Variants in NSUN7 observed in about 807,000 individuals in gnomAD.
NSUN7 encodes the protein NOP2/Sun RNA methyltransferase family member 7, also known as protein NSUN7.
NSUN7 carries 39 observed loss-of-function variants against 58.5 expected under a neutral mutation model. The observed-to-expected ratio is 0.67, with a 90% confidence interval of 0.52 to 0.87. The LOEUF is 0.87. NSUN7 is among the 40% of genes least tolerant of loss of function. The pLI is 0.00. For missense variants in NSUN7, 765 were observed against 844.1 expected (o/e 0.91, Z 1.16); for synonymous variants, 278 against 303.7 (o/e 0.92, Z 0.88).
Position 40,760,499 on chromosome 4 carries a change from A to G in NSUN7, c.357+7A>G, listed in dbSNP as rs777995559. The G allele has an allele frequency of 1.4e-5, 22 of 1,573,912 alleles. 1 individual carries two copies. The South Asian group carries it at 2.4e-4, about 17-fold the overall frequency. ...CTTCCCAAGTACCACAATAGTAAGT[A>G]GATAAGTTTTAGAATTACATCGTTT... is the stretch of plus-strand genomic sequence containing the variant. On this transcript the variant is annotated splice_region_variant and intron_variant, in intron 3 of 11. Coordinates refer to ENST00000381782, the MANE Select transcript of NSUN7 (RefSeq NM_024677.6).
chr4:40,794,464 C>T lies in NSUN7; in HGVS notation c.1270C>T (p.His424Tyr), dbSNP rs1743231010. 1.2e-6 allele frequency: 2 copies of T among 1,603,468 alleles called. No homozygotes were observed. Among genetic ancestry groups the T allele is most frequent in the Non-Finnish European group, 1.7e-6 (2 of 1,171,068 alleles). Residue 424 changes from histidine (H) to tyrosine (Y), a missense_variant, in exon 9 of 12, where the codon CAT becomes TAT. By Grantham distance (83) the His-to-Tyr change is moderately conservative. Coordinates refer to ENST00000381782, the MANE Select transcript of NSUN7 (RefSeq NM_024677.6). ...LAQQQYEQLT[H>Y]AMKFTKAQAV... is the part of the protein sequence containing the mutation. ...TCAACAGCAGTATGAACAGCTAACA[C>T]ATGCAATGAAATGTAAGGTTGTCAT...
Position 40,807,143 on chromosome 4 carries a change from G to C in NSUN7, c.1483G>C (p.Glu495Gln), listed in dbSNP as rs1743838683. 3 of 1,550,860 alleles carry C rather than the reference G, an allele frequency of 1.9e-6. No individual in the cohort carries two copies. Among genetic ancestry groups the C allele is most frequent in the Middle Eastern group, 1.7e-4 (1 of 5,990 alleles). Residue 495 changes from glutamate to glutamine, a missense_variant, in exon 11 of 12, where the codon GAA becomes CAA. Transcript: ENST00000381782. ...TDKFFRMEPS[E>Q]ITNGCFLSIL... ...TAAATTTTTCAGAATGGAACCATCT[G>C]AAATTACCAATGGTTGTTTTCTTTC...
In NSUN7 at chr4:40,809,939, TTTC is replaced by T. The variant is rs146940326; in HGVS notation, c.*1001_*1003del. On this transcript the variant is annotated 3_prime_UTR_variant, in exon 12 of 12. Coordinates refer to ENST00000381782, the MANE Select transcript of NSUN7 (RefSeq NM_024677.6). Reference sequence around the variant, plus strand: ...ATTATCATTTCTGGGTCTACTGATTTTTCATCATGGCAACAGAAATTGTCATTA... The same window carrying T: ...ATTATCATTTCTGGGTCTACTGATTTATCATGGCAACAGAAATTGTCATTA... The T allele has an allele frequency of 3.3e-3, 500 of 152,352 alleles. 3 individuals are homozygous for T. The highest frequency in any genetic ancestry group is 0.012 in the African/African-American group (483 of 41,590). 9.4% of individuals were successfully genotyped at this position (152,352 alleles called of 1,614,324 possible).
intron 4 of NSUN7, 91 bp downstream of exon 4, chr4:40,761,392 A>G (rs1287489019): frequency 9.8e-7 from 1 of 1,025,052 alleles, no homozygotes; most frequent in Non-Finnish European, 1.4e-6. Context: ...TGTAGATAAG[A>G]GTTAAATTTT....
chr4:40,778,988 C>A (rs1411406190), intron 7 of NSUN7, among the ~76,000 whole-genome samples: 2 of 152,070 alleles, frequency 1.3e-5, no homozygotes, highest in Admixed American at 6.6e-5. Context: ...GAGTTTGTCA[C>A]TAGTAGACAC....
rs1486958807 is a variant in NSUN7, at chr4:40,774,869, T to C, written c.744T>C (p.Tyr248=). 1.4e-6 allele frequency: 2 copies of C among 1,435,880 alleles called. No homozygotes were observed. The highest frequency in any genetic ancestry group is 2.0e-6 in the Non-Finnish European group (2 of 1,019,112). The allele number at this position is 1,435,880 out of a possible 1,614,324, so 88.9% of individuals were successfully genotyped here. ...TCTTTGCTGTGGATCAACATTGCTA[T>C]GATGTCTTAATTTTTCCATCTCATC... The part of the protein sequence containing the change: ...DKVFAVDQHC[Y]DVLIFPSHLK... The change falls in exon 6 of 12, where the codon TAT becomes TAC. Residue 248 remains tyrosine (Y), a synonymous_variant. Transcript: ENST00000381782.
Position 40,762,773 on chromosome 4 carries a change from T to C in NSUN7, c.488+1472T>C, listed in dbSNP as rs146328548. 4.6e-5 allele frequency: 7 copies of C among 152,350 alleles called. No homozygotes were observed. In the East Asian group the frequency reaches 1.4e-3, roughly 29 times the overall value. The allele number at this position is 152,350 out of a possible 1,614,324, so 9.4% of individuals were successfully genotyped here. A position where few individuals can be genotyped will look rare whatever the true frequency, so the allele number is the denominator to read the frequency against. On this transcript the variant is annotated intron_variant, in intron 4 of 11. Transcript: ENST00000381782. ...CCTTCTGTCAGATTAGCAGCAGCAT[T>C]AGATTCTCATAGGAGCGTGAACCTG...
chr4:40,768,247 G>T, intron 4 of NSUN7, among the ~76,000 whole-genome samples: 1 of 141,720 alleles, frequency 7.1e-6, no homozygotes, highest in African/African-American at 2.6e-5. Flanking sequence ...TGTCGCCCAT[G>T]CTGGAGTGCA....
intron 10 of NSUN7, among the ~76,000 whole-genome samples, chr4:40,803,802 A>G (rs1743706594): frequency 6.6e-6 from 1 of 152,220 alleles, no homozygotes; most frequent in Non-Finnish European, 1.5e-5. Context: ...TCCCAGCAAC[A>G]CTTGTGGAAA....
intron 2 of NSUN7, 25 bp downstream of exon 2, chr4:40,751,016 C>G: frequency 6.2e-7 from 1 of 1,606,474 alleles, no homozygotes; most frequent in Non-Finnish European, 8.5e-7. Context: ...TCTGGAAGAT[C>G]AACACTAAAA....
Position 40,799,075 on chromosome 4 carries a change from T to TTTTG in NSUN7, c.1400+174_1400+175insGTTT, listed in dbSNP as rs764974701. Among the ~76,000 whole-genome samples the TTTTG allele has an allele frequency of 4.9e-3, 228 of 46,512 alleles. 40 individuals are homozygous for TTTTG. Among genetic ancestry groups the TTTTG allele is most frequent in the African/African-American group, 9.1e-3 (118 of 12,996 alleles). 30.5% of individuals were successfully genotyped at this position (46,512 alleles called of 152,430 possible). On this transcript the variant is annotated intron_variant, in intron 10 of 11. Coordinates refer to ENST00000381782, the MANE Select transcript of NSUN7 (RefSeq NM_024677.6). ...CCAAGATTCCATAGGGCCTTTTTCT[T>TTTTG]TTTTTTTTTTTTTTTTTTTTTTTTT...
At chr4:40,753,886 T>C (rs978287450) in intron 2 of NSUN7, among the ~76,000 whole-genome samples, 1 of 152,130 alleles carries the variant, frequency 6.6e-6, no homozygotes, top group African/African-American at 2.4e-5. Flanking sequence ...CTCTCTTCCC[T>C]TGTCTGCCGC....
Position 40,761,264 on chromosome 4 carries a change from A to G in NSUN7, c.451A>G (p.Ile151Val), listed in dbSNP as rs1330799514. 1.9e-6 allele frequency: 3 copies of G among 1,597,198 alleles called. No individual in the cohort carries two copies. ...TGTCCTTTCTGATAATGAAGAGCCC[A>G]TATCAGAAGTTCAAGAAGTAGAGAA... ...TRVLSDNEEP[I>V]SEVQEVENLL... is the part of the protein sequence containing the mutation. The change falls in exon 4 of 12, where the codon ATA (isoleucine) becomes GTA (valine). Residue 151 changes from isoleucine (I) to valine (V), a missense_variant. Coordinates refer to ENST00000381782, the MANE Select transcript of NSUN7 (RefSeq NM_024677.6).
rs148946624 is a variant in NSUN7 at position 40,751,048 on chromosome 4, T to A, written c.298+57T>A. 94 of 1,573,996 alleles carry A rather than the reference T, an allele frequency of 6.0e-5. No individual in the cohort carries two copies. The African/African-American group carries it at 1.2e-3, about 20-fold the overall frequency. ...AAAAGAAAATAATAGCGAGAGAATT[T>A]GGGGAATGCAGCCCTCCTCCTCCCT... On this transcript the variant is annotated intron_variant, in intron 2 of 11. Transcript: ENST00000381782.
At chr4:40,778,971 G>A (rs2262613) in intron 7 of NSUN7, among the ~76,000 whole-genome samples, 125,793 of 152,124 alleles carry the variant, frequency 0.83, 52,555 homozygotes, top group African/African-American at 0.93. Context: ...AGACAAATAA[G>A]ATCTGAGAGT....
chr4:40,788,211 A>G (rs1031039870), intron 7 of NSUN7, among the ~76,000 whole-genome samples: 11 of 152,208 alleles, frequency 7.2e-5, no homozygotes, highest in South Asian at 2.1e-4. Flanking sequence ...TGCCTGTTAG[A>G]CATTAAGTGG....
intron 4 of NSUN7, among the ~76,000 whole-genome samples, chr4:40,768,441 C>T (rs983341209): frequency 4.6e-5 from 7 of 152,070 alleles, no homozygotes; most frequent in African/African-American, 1.4e-4. Flanking sequence ...CCTCCCGCCT[C>T]GGCCTCCTAG....
chr4:40,750,430 T>A (rs1740751816), intron 1 of NSUN7, 130 bp downstream of exon 1: 1 of 440,104 alleles, frequency 2.3e-6, no homozygotes, highest in Non-Finnish European at 4.1e-6. Flanking sequence ...CCTCCGCCGC[T>A]GCACCCCTCC....
chr4:40,795,864 A>G (rs535403546), intron 9 of NSUN7, among the ~76,000 whole-genome samples: 1 of 152,376 alleles, frequency 6.6e-6, no homozygotes, highest in South Asian at 2.1e-4. Context: ...AGTTGTGAAA[A>G]TAATTTTTAA....
Sources: gnomAD v4.1 joint callset for allele counts (sites outside exome capture counted in the v4.1 genomes callset) on GRCh38, gnomAD v4.1.1 for gene constraint, MANE v1.5 for transcripts, NCBI Gene and HGNC (gene_info 2026-07-23, HGNC 2026-07-21) for gene names.